The following IKZF1 variants were observed in gnomAD, a reference collection of about 807,000 sequenced individuals.
The protein encoded by IKZF1 is IKAROS family zinc finger 1.
A neutral mutation model predicts 51.7 loss-of-function variants in IKZF1; 10 were observed. The observed-to-expected ratio is 0.19, with a 90% confidence interval of 0.12 to 0.33. The LOEUF (loss-of-function observed/expected upper bound fraction) is 0.33. Among genes scored for constraint, IKZF1 ranks in the 10% least tolerant of loss-of-function variants. The probability of loss-of-function intolerance (pLI) is 1.00; values close to 1 mark genes in which losing one functional copy is unlikely to be tolerated. For synonymous variants in IKZF1, 280 were observed against 282.3 expected (o/e 0.99, Z 0.08); for missense variants, 484 against 707.5 (o/e 0.68, Z 3.58).
At chr7:50,320,400 TTCA>T (rs1792879585) in intron 2 of IKZF1, among the ~76,000 whole-genome samples, 1 of 152,222 alleles carries the variant, frequency 6.6e-6, no homozygotes, top group Non-Finnish European at 1.5e-5. Flanking sequence ...AATCAGCATA[TTCA>T]TCATCTCAAA....
Position 50,384,384 on chromosome 7 carries a change from C to T in IKZF1, c.589+1677C>T, listed in dbSNP as rs974037248. 3.3e-5 allele frequency among the ~76,000 whole-genome samples: 5 copies of T among 152,196 alleles called. No homozygotes were observed. The East Asian group carries it at 9.6e-4, about 29-fold the overall frequency. ...TGGAGAAGGATCCCCACATGCTCGC[C>T]ATCAGAAAATTGTCATGATTTGGGT... On this transcript the variant is annotated intron_variant, in intron 5 of 7. Coordinates refer to ENST00000331340, the MANE Select transcript of IKZF1 (RefSeq NM_006060.6).
In IKZF1 at chr7:50,376,839, A is replaced by G; in HGVS notation, c.421+46A>G. On this transcript the variant is annotated intron_variant, in intron 4 of 7. Transcript: ENST00000331340. This position sits in a 1 kb window ranked among gnomAD's most constrained non-coding sequence, Gnocchi z 4.5. ...TCCTTTAGTGGCCTGGAGAAGGTGC[A>G]TGGGGTTTGAAGGAGGAAAGCATCC... 1.9e-6 allele frequency: 3 copies of G among 1,603,456 alleles called. No individual in the cohort carries two copies. In the Middle Eastern group the frequency reaches 5.1e-4, roughly 273 times the overall value.
chr7:50,362,024 G>A lies in IKZF1; in HGVS notation c.161-14509G>A, dbSNP rs116925114. On this transcript the variant is annotated intron_variant, in intron 3 of 7. Coordinates refer to ENST00000331340, the MANE Select transcript of IKZF1 (RefSeq NM_006060.6). ...TTTTCTATCTTAATTAGTTCACTGT[G>A]AACAATTAAAATTGTGTTAATAAAA... is the stretch of plus-strand genomic sequence containing the variant. 6.5e-3 allele frequency among the ~76,000 whole-genome samples: 994 copies of A among 152,294 alleles called. 6 individuals are homozygous for A. Among genetic ancestry groups the A allele is most frequent in the Non-Finnish European group, 0.011 (737 of 68,030 alleles).
At chr7:50,369,807 T>G in intron 3 of IKZF1, 1 of 378,626 alleles carries the variant, frequency 2.6e-6, no homozygotes, top group Non-Finnish European at 4.7e-6. Context: ...TCTGCCTTTC[T>G]TTTCTCTCCC....
rs1818528695 is a variant in IKZF1, at chr7:50,403,763, C to A, written c.*3136C>A. 4.4e-6 allele frequency: 1 copy of A among 228,050 alleles called. No homozygotes were observed. Among genetic ancestry groups the A allele is most frequent in the Non-Finnish European group, 8.7e-6 (1 of 114,594 alleles). The allele number at this position is 228,050 out of a possible 1,614,324, so 14.1% of individuals were successfully genotyped here. A position where few individuals can be genotyped will look rare whatever the true frequency, so the allele number is the denominator to read the frequency against. ...TCTTAGAATCTTCCTTGAGAAAGAG[C>A]TGCCTGAGATGTAGTTTTGTTATAT... On this transcript the variant is annotated 3_prime_UTR_variant, in exon 8 of 8. Transcript: ENST00000331340.
At position 50,382,672 on chromosome 7, in the gene IKZF1, G is replaced by A. The variant is rs2153477980; in HGVS notation, c.554G>A (p.Arg185Lys). Residue 185 changes from arginine (R) to lysine (K), a missense_variant, in exon 5 of 8, where the codon AGG becomes AAG. Arg to Lys is a conservative substitution (Grantham distance 26, BLOSUM62 2). Transcript: ENST00000331340. ...CHLCNYACRR[R>K]DALTGHLRTH... is the part of the protein sequence containing the mutation. The stretch of plus-strand genomic sequence containing the variant: ...CTCTGCAACTACGCCTGCCGCCGGA[G>A]GGACGCCCTCACTGGCCACCTGAGG... 1 of 1,611,340 alleles carries A rather than the reference G, an allele frequency of 6.2e-7. No homozygotes were observed. The highest frequency in any genetic ancestry group is 8.5e-7 in the Non-Finnish European group (1 of 1,179,810).
intron 2 of IKZF1, among the ~76,000 whole-genome samples, chr7:50,322,700 GTT>G (rs1384417679): frequency 6.6e-6 from 1 of 152,026 alleles, no homozygotes; most frequent in African/African-American, 2.4e-5. Context: ...TTATTTTTTG[GTT>G]TGGTTTCTAA....
chr7:50,376,483 G>GTT lies in IKZF1; in HGVS notation c.161-41_161-40dup, dbSNP rs112450927. 31 of 1,358,082 alleles carry GTT rather than the reference G, an allele frequency of 2.3e-5. No individual in the cohort carries two copies. In the Admixed American group the frequency reaches 2.4e-4, roughly 11 times the overall value. The allele number at this position is 1,358,082 out of a possible 1,614,324, so 84.1% of individuals were successfully genotyped here. On this transcript the variant is annotated intron_variant, in intron 3 of 7. Coordinates refer to ENST00000331340, the MANE Select transcript of IKZF1 (RefSeq NM_006060.6). The surrounding 1 kb of genome is among the most constrained non-coding windows in gnomAD (Gnocchi z 4.5). ...TTTTGCTGCTGTGTTGTTTTGTTGAGTTTTTTTTTTGCAATGACACTGAGT... is the reference window on the plus strand; with the variant it reads ...TTTTGCTGCTGTGTTGTTTTGTTGAGTTTTTTTTTTTTGCAATGACACTGAGT...
intron 4 of IKZF1, among the ~76,000 whole-genome samples, chr7:50,379,816 A>G (rs1414788897): frequency 6.6e-6 from 1 of 152,174 alleles, no homozygotes; most frequent in Non-Finnish European, 1.5e-5. Flanking sequence ...AATGCCCTCA[A>G]ATTCTATGAC....
intron 3 of IKZF1, among the ~76,000 whole-genome samples, chr7:50,337,326 C>T (rs1407742743): frequency 6.6e-6 from 1 of 152,158 alleles, no homozygotes; most frequent in African/African-American, 2.4e-5. Flanking sequence ...ATCTAACTAG[C>T]AGCCCCAGGG....
intron 1 of IKZF1, 46 bp from the exon 2 acceptor site, chr7:50,319,002 A>G (rs750578546): frequency 2.6e-6 from 3 of 1,166,620 alleles, no homozygotes; most frequent in Non-Finnish European, 2.6e-6. Context: ...CTCATATCTT[A>G]TTAGTATTTT....
chr7:50,332,339 C>T (rs934586360), intron 3 of IKZF1, among the ~76,000 whole-genome samples: 8 of 152,268 alleles, frequency 5.3e-5, no homozygotes, highest in African/African-American at 1.9e-4. Context: ...ACTGACTTCT[C>T]TCTTGTACAC....
chr7:50,387,216 AAC>A, intron 5 of IKZF1, 127 bp from the exon 6 acceptor site: 1 of 1,294,120 alleles, frequency 7.7e-7, no homozygotes, highest in Non-Finnish European at 1.0e-6. Flanking sequence ...CCAAGTCCGT[AAC>A]AGTTTTAGCT....
At chr7:50,314,370 A>G (rs1790958406) in intron 1 of IKZF1, among the ~76,000 whole-genome samples, 4 of 152,218 alleles carry the variant, frequency 2.6e-5, no homozygotes, top group Admixed American at 2.6e-4. Context: ...TCGGCCTCCC[A>G]AAGTGCTGGG....
chr7:50,322,049 A>G (rs1225413016), intron 2 of IKZF1, among the ~76,000 whole-genome samples: 2 of 152,232 alleles, frequency 1.3e-5, no homozygotes, highest in Non-Finnish European at 2.9e-5. Flanking sequence ...TGATGAGAGC[A>G]CTTAAAGAGT....
At chr7:50,399,866 G>C in intron 7 of IKZF1, 52 bp from the exon 8 acceptor site, 1 of 1,556,612 alleles carries the variant, frequency 6.4e-7, no homozygotes. Context: ...TGCCAGACCT[G>C]ACCGGTTCCG....
intron 1 of IKZF1, among the ~76,000 whole-genome samples, chr7:50,316,130 T>A (rs1226499480): frequency 6.6e-6 from 1 of 152,210 alleles, no homozygotes; most frequent in Non-Finnish European, 1.5e-5. Flanking sequence ...GTTTGGAGTT[T>A]GGGGAAGTTT....
At chr7:50,326,256 T>C (rs1361348170) in intron 2 of IKZF1, among the ~76,000 whole-genome samples, 1 of 152,238 alleles carries the variant, frequency 6.6e-6, no homozygotes, top group East Asian at 1.9e-4. Flanking sequence ...TTTTAATGTT[T>C]GGTTCATCAT....
intron 3 of IKZF1, among the ~76,000 whole-genome samples, chr7:50,361,482 C>T (rs571998049): frequency 6.6e-6 from 1 of 152,224 alleles, no homozygotes; most frequent in African/African-American, 2.4e-5. Context: ...GATCCTGGAC[C>T]CGGAAGTTGG....
Sources: gnomAD v4.1 joint callset for allele counts (sites outside exome capture counted in the v4.1 genomes callset) on GRCh38, gnomAD v4.1.1 for gene constraint, Gnocchi (gnomAD v3.1) non-coding constraint, MANE v1.5 for transcripts, NCBI Gene and HGNC (gene_info 2026-07-23, HGNC 2026-07-21) for gene names.